F13A1: variants seen among roughly 807,000 people sequenced by gnomAD.
F13A1 encodes the protein FSF, A subunit.
A neutral mutation model predicts 80.1 loss-of-function variants in F13A1; 47 were observed. The ratio of observed to expected loss-of-function variants is 0.59; its 90% CI spans 0.46 to 0.75. The LOEUF is 0.75. Ranked by LOEUF, F13A1 falls within the 30% of genes least tolerant of loss-of-function variation. The probability of loss-of-function intolerance (pLI) is 0.00; values close to 1 mark genes in which losing one functional copy is unlikely to be tolerated. For synonymous variants in F13A1, 349 were observed against 344.9 expected, an observed-to-expected ratio of 1.01 and a Z score of -0.13; for missense variants, 817 against 930.4, an observed-to-expected ratio of 0.88 and a Z score of 1.59.
chr6:6,206,978 G>A (rs1015782643), intron 8 of F13A1, among the ~76,000 whole-genome samples: 6 of 151,816 alleles, frequency 4.0e-5, no homozygotes, highest in African/African-American at 1.5e-4. Context: ...AGGACTACTG[G>A]AAATCTGCTC....
intron 8 of F13A1, among the ~76,000 whole-genome samples, chr6:6,209,279 A>G (rs1020515455): frequency 4.6e-5 from 7 of 151,680 alleles, no homozygotes; most frequent in African/African-American, 1.7e-4. Context: ...TAATCCCACC[A>G]TGAAATACCA....
intron 11 of F13A1, among the ~76,000 whole-genome samples, chr6:6,178,418 A>G (rs969494709): frequency 6.6e-6 from 1 of 152,198 alleles, no homozygotes; most frequent in Non-Finnish European, 1.5e-5. Context: ...TTTGTTGCTT[A>G]ACTCATTCTT....
intron 6 of F13A1, among the ~76,000 whole-genome samples, chr6:6,226,304 TC>T (rs1464593074): frequency 1.3e-5 from 2 of 152,298 alleles, no homozygotes; most frequent in East Asian, 3.9e-4. Flanking sequence ...ATATTGGCAT[TC>T]CCTGGGAGCT....
intron 10 of F13A1, among the ~76,000 whole-genome samples, chr6:6,193,452 C>T (rs942707599): frequency 7.9e-5 from 12 of 152,108 alleles, no homozygotes; most frequent in African/African-American, 2.9e-4. Context: ...TGACACTCCC[C>T]ATGGGGTCCC....
intron 4 of F13A1, among the ~76,000 whole-genome samples, chr6:6,254,336 T>G (rs980265955): frequency 2.0e-5 from 3 of 152,156 alleles, no homozygotes; most frequent in Non-Finnish European, 4.4e-5. Context: ...ACAAAATGTA[T>G]GTGCAACCTT....
In F13A1 at chr6:6,174,872, G is replaced by A. The variant is rs765912305; in HGVS notation, c.1460-5C>T. ...CCAATCTCTCTTCTTCTTGACCTGG[G>A]GGAGATCCAGAGATAATGACAGGCA... On this transcript the variant is annotated splice_region_variant and splice_polypyrimidine_tract_variant and intron_variant, in intron 11 of 14. Coordinates refer to ENST00000264870, the MANE Select transcript of F13A1 (RefSeq NM_000129.4). 1.2e-6 allele frequency: 2 copies of A among 1,614,112 alleles called. No homozygotes were observed. The highest frequency in any genetic ancestry group is 4.5e-5 in the East Asian group (2 of 44,884).
chr6:6,236,131 TG>T (rs1317494858), intron 6 of F13A1, among the ~76,000 whole-genome samples: 1 of 152,054 alleles, frequency 6.6e-6, no homozygotes, highest in Non-Finnish European at 1.5e-5. Flanking sequence ...TGAGCAGTGA[TG>T]GGGGATGGTA....
intron 8 of F13A1, among the ~76,000 whole-genome samples, chr6:6,201,728 C>G (rs1196067576): frequency 6.6e-6 from 1 of 150,868 alleles, no homozygotes; most frequent in African/African-American, 2.4e-5. Context: ...GTTTTGTTTT[C>G]TTGAGACAGG....
At chr6:6,255,258 T>C (rs1394556656) in intron 4 of F13A1, among the ~76,000 whole-genome samples, 1 of 152,186 alleles carries the variant, frequency 6.6e-6, no homozygotes, top group Non-Finnish European at 1.5e-5. Flanking sequence ...AGCATTGTTA[T>C]ACTGCTTATT....
chr6:6,194,324 C>G (rs1761252985), intron 10 of F13A1, among the ~76,000 whole-genome samples: 3 of 152,180 alleles, frequency 2.0e-5, no homozygotes, highest in Non-Finnish European at 4.4e-5. Flanking sequence ...CCTGATGCAT[C>G]CTTGGCGTTC....
intron 10 of F13A1, among the ~76,000 whole-genome samples, chr6:6,185,535 T>C (rs1207748436): frequency 6.6e-6 from 1 of 151,950 alleles, no homozygotes; most frequent in Non-Finnish European, 1.5e-5. Context: ...TCCATGTCCC[T>C]ACAAAGGACA....
chr6:6,184,374 G>A (rs1761041128), intron 10 of F13A1, among the ~76,000 whole-genome samples: 1 of 152,348 alleles, frequency 6.6e-6, no homozygotes, highest in East Asian at 1.9e-4. Flanking sequence ...AGCTTGAGTG[G>A]TGAGATGGTT....
At chr6:6,298,116 T>G (rs2113170118) in intron 3 of F13A1, among the ~76,000 whole-genome samples, 1 of 148,864 alleles carries the variant, frequency 6.7e-6, no homozygotes, top group Non-Finnish European at 1.5e-5. Context: ...TGAGAGATAG[T>G]TTGTTATAAT....
At chr6:6,154,489 G>A (rs1760440259) in intron 13 of F13A1, among the ~76,000 whole-genome samples, 1 of 152,134 alleles carries the variant, frequency 6.6e-6, no homozygotes, top group Admixed American at 6.6e-5. Flanking sequence ...AACATCCCTG[G>A]TGTCTACCCA....
intron 6 of F13A1, among the ~76,000 whole-genome samples, chr6:6,227,961 A>T (rs928408402): frequency 1.4e-4 from 21 of 152,190 alleles, no homozygotes; most frequent in African/African-American, 4.6e-4. Flanking sequence ...GCCATGAAAG[A>T]GGTAAGTTTT....
chr6:6,249,782 G>A lies in F13A1; in HGVS notation c.690+1029C>T, dbSNP rs138336181. ...GTCAAAGGTTGCATGTCACTGAGGA[G>A]GGGATGGCTTGAAACCAGGGAGTCA... On this transcript the variant is annotated intron_variant, in intron 5 of 14. Transcript: ENST00000264870. Among the ~76,000 whole-genome samples the A allele has an allele frequency of 8.8e-4, 134 of 152,304 alleles. 1 individual carries two copies. Among genetic ancestry groups the A allele is most frequent in the African/African-American group, 3.1e-3 (129 of 41,546 alleles).
At chr6:6,196,508 C>A (rs1426085393) in intron 9 of F13A1, among the ~76,000 whole-genome samples, 1 of 152,194 alleles carries the variant, frequency 6.6e-6, no homozygotes. Flanking sequence ...GCTAAACTTT[C>A]TTCCTTAAAG....
intron 3 of F13A1, among the ~76,000 whole-genome samples, chr6:6,290,356 G>T (rs1758206192): frequency 6.6e-6 from 1 of 152,252 alleles, no homozygotes; most frequent in East Asian, 1.9e-4. Flanking sequence ...TCAGCCACCT[G>T]CCTCAGTGTT....
Position 6,318,591 on chromosome 6 carries a change from T to C in F13A1, c.74A>G (p.Asp25Gly), listed in dbSNP as rs1359737567. 1.2e-6 allele frequency: 2 copies of C among 1,613,732 alleles called. No homozygotes were observed. The highest frequency in any genetic ancestry group is 1.7e-6 in the Non-Finnish European group (2 of 1,180,006). The change falls in exon 2 of 15, where the codon GAT becomes GGT. Residue 25 changes from aspartate to glycine, a missense_variant. By Grantham distance (94) the Asp-to-Gly change is moderately conservative. Transcript: ENST00000264870. ...VPPNNSNAAEDDLPTVELQGV... is the reference protein window; with the variant it reads ...VPPNNSNAAEGDLPTVELQGV... Reference sequence around the variant, plus strand: ...CTGAAGCTCCACTGTGGGCAGGTCATCTTCCGCTGCATTAGAGTTATTGGG... The same window carrying C: ...CTGAAGCTCCACTGTGGGCAGGTCACCTTCCGCTGCATTAGAGTTATTGGG...
Sources: gnomAD v4.1 joint callset for allele counts (sites outside exome capture counted in the v4.1 genomes callset) on GRCh38, gnomAD v4.1.1 for gene constraint, MANE v1.5 for transcripts, NCBI Gene and HGNC (gene_info 2026-07-23, HGNC 2026-07-21) for gene names.